The following CHMP3 variants were observed in gnomAD, a reference collection of about 807,000 sequenced individuals.
The protein encoded by CHMP3 is charged multivesicular body protein 3.
In CHMP3, 8 loss-of-function variants were observed where a neutral mutation model predicts 27.4. The observed-to-expected ratio is 0.29, with a 90% CI of 0.17 to 0.53. The LOEUF is 0.53. Ranked by LOEUF, CHMP3 falls within the 20% of genes least tolerant of loss-of-function variation. The pLI is 0.96. For synonymous variants in CHMP3, 86 were observed against 85.5 expected (o/e 1.01, Z -0.03); for missense variants, 208 against 271.5 (o/e 0.77, Z 1.64).
At chr2:86,557,062 G>T (rs79892098) in intron 1 of CHMP3, among the ~76,000 whole-genome samples, 6,383 of 152,250 alleles carry the variant, frequency 0.042, 250 homozygotes, top group East Asian at 0.14. Flanking sequence ...AAGCAGAAGA[G>T]AAAAATATTC....
chr2:86,525,992 A>C (rs1364178487), intron 3 of CHMP3, among the ~76,000 whole-genome samples: 1 of 152,214 alleles, frequency 6.6e-6, no homozygotes, highest in Non-Finnish European at 1.5e-5. Flanking sequence ...GATGGAAAGG[A>C]GCAGAGGATC....
intron 1 of CHMP3, among the ~76,000 whole-genome samples, chr2:86,555,420 T>C (rs1677081329): frequency 6.6e-6 from 1 of 151,350 alleles, no homozygotes. Context: ...GAGAATCAAC[T>C]GAACCCAGGA....
chr2:86,518,960 G>T (rs1051889908), intron 3 of CHMP3, among the ~76,000 whole-genome samples: 1 of 152,134 alleles, frequency 6.6e-6, no homozygotes, highest in African/African-American at 2.4e-5. Context: ...TAAGATAAAT[G>T]TATTCCATGG....
intron 2 of CHMP3, among the ~76,000 whole-genome samples, chr2:86,530,347 C>T (rs1028501148): frequency 6.6e-6 from 1 of 152,110 alleles, no homozygotes; most frequent in African/African-American, 2.4e-5. Context: ...AACAGTAACT[C>T]CCCATTTCTC....
At chr2:86,536,065 G>A (rs1407861825) in intron 2 of CHMP3, among the ~76,000 whole-genome samples, 2 of 130,002 alleles carry the variant, frequency 1.5e-5, no homozygotes, top group South Asian at 2.4e-4. Flanking sequence ...GCGGGATCTC[G>A]GCTCACTGCA....
intron 3 of CHMP3, among the ~76,000 whole-genome samples, chr2:86,516,146 CAAA>C (rs35800757): frequency 3.6e-5 from 3 of 83,682 alleles, no homozygotes; most frequent in Admixed American, 1.4e-4. Flanking sequence ...GACTCCATCT[CAAA>C]AAAAAAAAAA....
At chr2:86,546,359 G>A (rs867139901) in intron 1 of CHMP3, among the ~76,000 whole-genome samples, 28 of 57,590 alleles carry the variant, frequency 4.9e-4, no homozygotes, top group Middle Eastern at 0.011. Flanking sequence ...AGGGAGACCC[G>A]AAGGGAGGGG....
chr2:86,553,605 T>C (rs990453536), intron 1 of CHMP3, among the ~76,000 whole-genome samples: 8 of 152,282 alleles, frequency 5.3e-5, no homozygotes, highest in East Asian at 1.9e-4. Flanking sequence ...GCTGGAATTA[T>C]AGGCGTGAGC....
chr2:86,560,534 G>T (rs919904445), intron 1 of CHMP3, among the ~76,000 whole-genome samples: 1 of 151,544 alleles, frequency 6.6e-6, no homozygotes, highest in Middle Eastern at 3.4e-3. Context: ...ACAGGGAGGG[G>T]ATCATCACAC....
intron 1 of CHMP3, among the ~76,000 whole-genome samples, chr2:86,544,412 T>C (rs1156687944): frequency 2.6e-5 from 4 of 151,582 alleles, no homozygotes; most frequent in Admixed American, 2.6e-4. Flanking sequence ...GGCAGGGTCA[T>C]AGGATAATAG....
At chr2:86,547,068 A>T (rs1034640558) in intron 1 of CHMP3, among the ~76,000 whole-genome samples, 2 of 152,206 alleles carry the variant, frequency 1.3e-5, no homozygotes, top group Admixed American at 6.5e-5. Context: ...TCCCTGACTC[A>T]CAGAATAGGT....
At chr2:86,547,420 A>G (rs929036572) in intron 1 of CHMP3, among the ~76,000 whole-genome samples, 1 of 152,246 alleles carries the variant, frequency 6.6e-6, no homozygotes, top group Admixed American at 6.5e-5. Flanking sequence ...AACTTGTAAA[A>G]TCAAAAGGGG....
At chr2:86,512,784 A>T (rs918278090) in intron 3 of CHMP3, among the ~76,000 whole-genome samples, 2 of 152,254 alleles carry the variant, frequency 1.3e-5, no homozygotes, top group Non-Finnish European at 1.5e-5. Context: ...AAGATGTTCA[A>T]CATCTTATGT....
rs543909699 is a variant in CHMP3, at chr2:86,505,782, C to T, written c.*22G>A. ...GCAGCTCTTGAGAGGAGTGTGTGCA[C>T]ACCCAGCGGGGTAGGCAGCCCCTAG... On this transcript the variant is annotated 3_prime_UTR_variant, in exon 6 of 6. Transcript: ENST00000263856. 91 of 1,552,936 alleles carry T rather than the reference C, an allele frequency of 5.9e-5. No individual in the cohort carries two copies. Among genetic ancestry groups the T allele is most frequent in the South Asian group, 4.2e-4 (35 of 83,270 alleles).
rs138868726 is a variant in CHMP3 at position 86,515,312 on chromosome 2, ATTTC to A, written c.287-4837_287-4834del. On this transcript the variant is annotated intron_variant, in intron 3 of 5. Transcript: ENST00000263856. ...TATGTGCTGCCCAAGAGAACACTAG[ATTTC>A]TTTCTTTCTTTCTTTCTTTTTCTTT... 1,390 of 151,778 alleles carry A rather than the reference ATTTC, an allele frequency of 9.2e-3. 26 individuals are homozygous for A. Among genetic ancestry groups the A allele is most frequent in the African/African-American group, 0.03 (1,243 of 41,386 alleles). The allele number at this position is 151,778 out of a possible 1,614,324, so 9.4% of individuals were successfully genotyped here. A position where few individuals can be genotyped will look rare whatever the true frequency, so the allele number is the denominator to read the frequency against.
chr2:86,547,395 G>C (rs1676653784), intron 1 of CHMP3, among the ~76,000 whole-genome samples: 1 of 152,140 alleles, frequency 6.6e-6, no homozygotes, highest in Non-Finnish European at 1.5e-5. Flanking sequence ...CTGTCAAAAA[G>C]AGAAATTCCT....
chr2:86,556,544 G>A (rs77442606), intron 1 of CHMP3, among the ~76,000 whole-genome samples: 1 of 152,172 alleles, frequency 6.6e-6, no homozygotes, highest in African/African-American at 2.4e-5. Flanking sequence ...GCTGAAGGCA[G>A]CCAGATTCTC....
rs1037813815 is a variant in CHMP3 at position 86,519,210 on chromosome 2, C to G, written c.287-8731G>C. Among the ~76,000 whole-genome samples, 3 of 152,106 alleles carry G rather than the reference C, an allele frequency of 2.0e-5. No homozygotes were observed. The East Asian group carries it at 5.8e-4, about 29-fold the overall frequency. On this transcript the variant is annotated intron_variant, in intron 3 of 5. Coordinates refer to ENST00000263856, the MANE Select transcript of CHMP3 (RefSeq NM_016079.4). Reference sequence around the variant, plus strand: ...TCAACATGGTGAAACCCCATCTCTACTAAATATACAAAAATTAGCCAGGCA... The same window carrying G: ...TCAACATGGTGAAACCCCATCTCTAGTAAATATACAAAAATTAGCCAGGCA...
At chr2:86,556,857 T>A (rs1032157423) in intron 1 of CHMP3, among the ~76,000 whole-genome samples, 1 of 152,212 alleles carries the variant, frequency 6.6e-6, no homozygotes, top group Non-Finnish European at 1.5e-5. Context: ...CTGAGTGTAT[T>A]CTTTCATCCG....
Sources: allele counts gnomAD v4.1 joint callset (sites outside exome capture counted in the v4.1 genomes callset), GRCh38; gene constraint gnomAD v4.1.1; transcripts MANE v1.5; gene names NCBI Gene and HGNC (gene_info 2026-07-23, HGNC 2026-07-21).